BRWD1: variants seen among roughly 807,000 people sequenced by gnomAD.
BRWD1 encodes bromodomain and WD repeat-containing protein 1.
Under a neutral mutation model 251.2 loss-of-function variants are expected in BRWD1, and 82 were observed. That is an observed-to-expected ratio of 0.33 (90% confidence interval 0.27 to 0.39). The LOEUF is 0.39. Among genes scored for constraint, BRWD1 ranks in the 10% least tolerant of loss-of-function variants. The pLI is 1.00. For missense variants in BRWD1, 2,233 were observed against 2,711.6 expected (o/e 0.82, Z 3.92); for synonymous variants, 918 against 902.8 (o/e 1.02, Z -0.30).
chr21:39,292,890 A>G (rs1434928433), intron 8 of BRWD1, among the ~76,000 whole-genome samples: 2 of 152,238 alleles, frequency 1.3e-5, no homozygotes, highest in Non-Finnish European at 1.5e-5. Context: ...ACAACTGGAA[A>G]CTTGAACATC....
At chr21:39,249,339 C>T (rs1002962916) in intron 20 of BRWD1, among the ~76,000 whole-genome samples, 5 of 152,150 alleles carry the variant, frequency 3.3e-5, no homozygotes, top group Non-Finnish European at 7.3e-5. Context: ...TGCACATATA[C>T]CCCTGAAGCT....
chr21:39,293,492 C>CA lies in BRWD1; in HGVS notation c.831+318dup, dbSNP rs1036672544. Among the ~76,000 whole-genome samples the CA allele has an allele frequency of 3.8e-3, 393 of 103,866 alleles. 1 individual carries two copies. Among genetic ancestry groups the CA allele is most frequent in the Middle Eastern group, 0.032 (5 of 158 alleles). 68.1% of individuals were successfully genotyped at this position (103,866 alleles called of 152,430 possible). On this transcript the variant is annotated intron_variant, in intron 8 of 40. Transcript: ENST00000342449. ...TGGGCAACAGAACAAGACTCAGTCT[C>CA]AAAAAAAAAAAAAAATCAACTTAGC...
rs368814366 is a variant in BRWD1 at position 39,210,947 on chromosome 21, G to A, written c.3901-18C>T. The A allele has an allele frequency of 6.2e-7, 1 of 1,604,614 alleles. No individual in the cohort carries two copies. The highest frequency in any genetic ancestry group is 8.5e-7 in the Non-Finnish European group (1 of 1,177,468). Reference sequence around the variant, plus strand: ...TCATGGACCTAAAAATACATTCACAGTCTTAAGAAAAATCACACTATTGGT... The same window carrying A: ...TCATGGACCTAAAAATACATTCACAATCTTAAGAAAAATCACACTATTGGT... On this transcript the variant is annotated intron_variant, in intron 34 of 40. Coordinates refer to ENST00000342449, the MANE Select transcript of BRWD1 (RefSeq NM_033656.4).
chr21:39,308,559 A>C (rs559277666), intron 4 of BRWD1, among the ~76,000 whole-genome samples: 10 of 152,162 alleles, frequency 6.6e-5, no homozygotes, highest in Admixed American at 6.5e-5. Context: ...CAGCATGGTC[A>C]CAAGTTTAAG....
upstream of BRWD1, among the ~76,000 whole-genome samples, chr21:39,316,386 G>C (rs998297039): frequency 3.9e-5 from 6 of 152,182 alleles, no homozygotes; most frequent in Non-Finnish European, 8.8e-5. Context: ...ATTATTTGAA[G>C]TTACAGTGCA....
chr21:39,238,072 T>C (rs533503740), intron 22 of BRWD1, among the ~76,000 whole-genome samples: 27 of 152,220 alleles, frequency 1.8e-4, no homozygotes, highest in Middle Eastern at 6.8e-3. Context: ...TCTGTTGAGA[T>C]GAAGGTGACG....
intron 21 of BRWD1, among the ~76,000 whole-genome samples, chr21:39,238,783 CG>C (rs1402794211): frequency 5.9e-5 from 9 of 152,112 alleles, no homozygotes; most frequent in Non-Finnish European, 7.4e-5. Flanking sequence ...AGAGAACATC[CG>C]TAAGATTTAA....
Position 39,277,270 on chromosome 21 carries a change from G to A in BRWD1, c.1085C>T (p.Ala362Val). The change falls in exon 11 of 41, where the codon GCA becomes GTA. Residue 362 changes from alanine (A) to valine (V), a missense_variant. Ala to Val is a moderately conservative substitution (Grantham distance 64). This residue lies in a region of BRWD1 where 315 missense variants were observed against 421.8 expected (regional missense o/e 0.75). Transcript: ENST00000342449. ...FLGFEAPEKI[A>V]ELESHTDKVD... Reference sequence around the variant, plus strand: ...GCTTACAGTGTGGCTTTCAAGTTCTGCGATTTTTTCGGGTGCTTCAAAACC... The same window carrying A: ...GCTTACAGTGTGGCTTTCAAGTTCTACGATTTTTTCGGGTGCTTCAAAACC... 1 of 1,610,086 alleles carries A rather than the reference G, an allele frequency of 6.2e-7. No individual in the cohort carries two copies.
intron 8 of BRWD1, among the ~76,000 whole-genome samples, chr21:39,292,343 G>C (rs1230638840): frequency 6.6e-6 from 1 of 152,132 alleles, no homozygotes; most frequent in African/African-American, 2.4e-5. Context: ...TGACAGCCAA[G>C]AACCGTGCAC....
chr21:39,187,559 T>TAC lies in BRWD1; in HGVS notation c.*8698_*8699dup, dbSNP rs1978432393. 9.3e-6 allele frequency: 13 copies of TAC among 1,393,228 alleles called. No individual in the cohort carries two copies. The highest frequency in any genetic ancestry group is 1.1e-5 in the Non-Finnish European group (12 of 1,080,354). 86.3% of individuals were successfully genotyped at this position (1,393,228 alleles called of 1,614,324 possible). A position where few individuals can be genotyped will look rare whatever the true frequency, so the allele number is the denominator to read the frequency against. ...CTAAATGATAAATTTTAAAATGTGA[T>TAC]ACTAAGGGCTTCTTCACATTGATAT... On this transcript the variant is annotated 3_prime_UTR_variant, in exon 41 of 41. Transcript: ENST00000342449.
At position 39,313,321 on chromosome 21, in the gene BRWD1, G is replaced by A. The variant is rs201152726; in HGVS notation, c.50-22C>T. Reference sequence around the variant, plus strand: ...AGCTCTGCGGGAAGACAAGGAGTCAGGTCAAGCCCCGGCGGGGAGGGGAGG... The same window carrying A: ...AGCTCTGCGGGAAGACAAGGAGTCAAGTCAAGCCCCGGCGGGGAGGGGAGG... On this transcript the variant is annotated intron_variant, in intron 1 of 40. Coordinates refer to ENST00000342449, the MANE Select transcript of BRWD1 (RefSeq NM_033656.4). The A allele has an allele frequency of 3.4e-3, 5,173 of 1,529,270 alleles. 27 individuals carry two copies. Among genetic ancestry groups the A allele is most frequent in the Non-Finnish European group, 4.3e-3 (4,834 of 1,127,102 alleles). 94.7% of individuals were successfully genotyped at this position (1,529,270 alleles called of 1,614,324 possible).
At chr21:39,258,346 T>C in intron 18 of BRWD1, 141 bp downstream of exon 18, 1 of 667,848 alleles carries the variant, frequency 1.5e-6, no homozygotes, top group Admixed American at 3.3e-5. Flanking sequence ...CTCATAAAGC[T>C]ACCTTCAGAC....
intron 4 of BRWD1, among the ~76,000 whole-genome samples, chr21:39,298,845 T>C (rs1311734888): frequency 6.6e-6 from 1 of 152,050 alleles, no homozygotes; most frequent in Non-Finnish European, 1.5e-5. Flanking sequence ...GCAAATGACC[T>C]GGAAAAGCAC....
In BRWD1 at chr21:39,295,802, C is replaced by T. The variant is rs2035947056; in HGVS notation, c.550G>A (p.Gly184Arg). The T allele has an allele frequency of 6.2e-7, 1 of 1,611,710 alleles. No individual in the cohort carries two copies. The highest frequency in any genetic ancestry group is 8.5e-7 in the Non-Finnish European group (1 of 1,178,564). ...QHIKMHRRIL[G>R]HLSAVYCVAF... Reference sequence around the variant, plus strand: ...ACACAGTAAACAGCAGATAGATGTCCGAGAATCCTTCTGTGCATTTTTATA... The same window carrying T: ...ACACAGTAAACAGCAGATAGATGTCTGAGAATCCTTCTGTGCATTTTTATA... The change falls in exon 7 of 41, where the codon GGA becomes AGA. Residue 184 changes from glycine to arginine, a missense_variant. Gly to Arg is a moderately radical substitution (Grantham distance 125). Around this residue, in one of 12 missense-constraint regions of BRWD1, gnomAD observed 185 missense variants for 260.6 expected, o/e 0.71. Transcript: ENST00000342449.
In BRWD1 at chr21:39,197,163, C is replaced by T; in HGVS notation, c.5906G>A (p.Cys1969Tyr). 1 of 1,614,132 alleles carries T rather than the reference C, an allele frequency of 6.2e-7. No individual in the cohort carries two copies. Among genetic ancestry groups the T allele is most frequent in the Non-Finnish European group, 8.5e-7 (1 of 1,179,976 alleles). The change falls in exon 41 of 41, where the codon TGT (cysteine) becomes TAT (tyrosine). Residue 1969 changes from cysteine (C) to tyrosine (Y), a missense_variant. Around this residue, in one of 12 missense-constraint regions of BRWD1, gnomAD observed 928 missense variants for 970.0 expected, o/e 0.96. Coordinates refer to ENST00000342449, the MANE Select transcript of BRWD1 (RefSeq NM_033656.4). ...ACTCAATTTCTTCTTAGCTGTAGTA[C>T]AAGCAAGATGGAGAGGTTTTTTCCT... ...NGRKKPLHLA[C>Y]TTAKKKLSDC... is the part of the protein sequence containing the mutation.
At chr21:39,229,460 G>A in intron 25 of BRWD1, 24 bp from the exon 26 acceptor site, 1 of 1,578,384 alleles carries the variant, frequency 6.3e-7, no homozygotes. Context: ...ATTTTTTAAT[G>A]GTTAAAATAA....
intron 18 of BRWD1, among the ~76,000 whole-genome samples, chr21:39,257,201 T>TA (rs1200364044): frequency 8.6e-6 from 1 of 116,356 alleles, no homozygotes; most frequent in Non-Finnish European, 1.9e-5. Context: ...ATGAAGCTAT[T>TA]TAAAAAAAAA....
Position 39,210,946 on chromosome 21 carries a change from AG to A in BRWD1, c.3901-18del. The A allele has an allele frequency of 6.2e-7, 1 of 1,605,506 alleles. No homozygotes were observed. Among genetic ancestry groups the A allele is most frequent in the Non-Finnish European group, 8.5e-7 (1 of 1,177,726 alleles). On this transcript the variant is annotated intron_variant, in intron 34 of 40. Coordinates refer to ENST00000342449, the MANE Select transcript of BRWD1 (RefSeq NM_033656.4). ...ATCATGGACCTAAAAATACATTCAC[AG>A]TCTTAAGAAAAATCACACTATTGGT...
Position 39,193,961 on chromosome 21 carries a change from CTCAGTT to C in BRWD1, c.*2292_*2297del. ...ATAAAAATTATTTTCTCCATTATCT[CTCAGTT>C]TTATTTCATAACTTGAGAAGCTACC... On this transcript the variant is annotated 3_prime_UTR_variant, in exon 41 of 41. Coordinates refer to ENST00000342449, the MANE Select transcript of BRWD1 (RefSeq NM_033656.4). 1.0e-6 allele frequency: 1 copy of C among 985,562 alleles called. No homozygotes were observed. The allele number at this position is 985,562 out of a possible 1,614,324, so 61.1% of individuals were successfully genotyped here.
Sources: allele counts gnomAD v4.1 joint callset (sites outside exome capture counted in the v4.1 genomes callset), GRCh38; gene constraint gnomAD v4.1.1; regional missense constraint gnomAD v4.1.1; transcripts MANE v1.5; gene names NCBI Gene and HGNC (gene_info 2026-07-23, HGNC 2026-07-21).